The following PPP6R3 variants were observed in gnomAD, a reference collection of about 807,000 sequenced individuals.
PPP6R3 encodes the protein protein phosphatase 6 regulatory subunit 3.
In PPP6R3, 38 loss-of-function variants were observed where a neutral mutation model predicts 110.7. The ratio of observed to expected loss-of-function variants is 0.34; its 90% CI spans 0.26 to 0.45. The LOEUF (loss-of-function observed/expected upper bound fraction) is 0.45. PPP6R3 is among the 20% of genes least tolerant of loss of function. The pLI, the probability that PPP6R3 is intolerant of heterozygous loss-of-function variation, is 1.00. For synonymous variants in PPP6R3, 369 were observed against 373.5 expected, an observed-to-expected ratio of 0.99 and a Z score of 0.14; for missense variants, 870 against 1,062.4, an observed-to-expected ratio of 0.82 and a Z score of 2.52.
chr11:68,587,946 T>G lies in PPP6R3; in HGVS notation c.1652T>G (p.Met551Arg). Reference protein sequence around the residue: ...SLQQAFSDYQMQQMTSNFIDQ... With the variant: ...SLQQAFSDYQRQQMTSNFIDQ... ...TGCCAGGCCTTTTCTGATTATCAGA[T>G]GCAACAAATGACGTCCAATTTTATT... Residue 551 changes from methionine (M) to arginine (R), a missense_variant, in exon 16 of 24, where the codon ATG (methionine) becomes AGG (arginine). Physicochemically the swap from Met to Arg is moderately conservative, Grantham distance 91. Transcript: ENST00000393800. 6.2e-7 allele frequency: 1 copy of G among 1,614,224 alleles called. No homozygotes were observed. The highest frequency in any genetic ancestry group is 8.5e-7 in the Non-Finnish European group (1 of 1,180,020).
chr11:68,475,571 G>T (rs1310809352), intron 1 of PPP6R3, among the ~76,000 whole-genome samples: 1 of 149,944 alleles, frequency 6.7e-6, no homozygotes, highest in African/African-American at 2.5e-5. Flanking sequence ...CGGACGGGGC[G>T]GCTGGCCGGG....
At chr11:68,497,023 G>A (rs1478936251) in intron 1 of PPP6R3, among the ~76,000 whole-genome samples, 9 of 150,188 alleles carry the variant, frequency 6.0e-5, no homozygotes, top group African/African-American at 2.0e-4. Context: ...CTCCACGCCC[G>A]GCTAATTTTT....
intron 1 of PPP6R3, among the ~76,000 whole-genome samples, chr11:68,466,685 T>C (rs995434189): frequency 7.9e-5 from 12 of 152,080 alleles, no homozygotes; most frequent in Non-Finnish European, 1.6e-4. Context: ...CTATCTCGGC[T>C]CACTGCAAGC....
chr11:68,543,849 T>C (rs2099331839), intron 3 of PPP6R3, among the ~76,000 whole-genome samples: 1 of 152,072 alleles, frequency 6.6e-6, no homozygotes, highest in Non-Finnish European at 1.5e-5. Flanking sequence ...ATTGTCATAG[T>C]AGGAGTAAGT....
chr11:68,479,135 G>A (rs935562491), intron 1 of PPP6R3, among the ~76,000 whole-genome samples: 1 of 152,098 alleles, frequency 6.6e-6, no homozygotes, highest in Non-Finnish European at 1.5e-5. Flanking sequence ...ATATTCTTAC[G>A]ATTATTCACA....
chr11:68,474,170 G>A (rs935164991), intron 1 of PPP6R3, among the ~76,000 whole-genome samples: 2 of 151,298 alleles, frequency 1.3e-5, no homozygotes, highest in Admixed American at 6.6e-5. Flanking sequence ...TCAGCCTCCC[G>A]AGTAGCTGGG....
At chr11:68,523,706 TGCCC>T (rs754515185) in intron 2 of PPP6R3, among the ~76,000 whole-genome samples, 3 of 14,838 alleles carry the variant, frequency 2.0e-4, no homozygotes, top group African/African-American at 2.4e-4. Flanking sequence ...CATGCCCCCC[TGCCC>T]CCCCCCCCCC....
intron 13 of PPP6R3, 32 bp from the exon 14 acceptor site, chr11:68,575,926 G>A (rs1474834685): frequency 1.3e-6 from 2 of 1,511,912 alleles, no homozygotes; most frequent in Non-Finnish European, 9.2e-7. Context: ...TCATTGTGGT[G>A]ATAATGCTTT....
intron 20 of PPP6R3, among the ~76,000 whole-genome samples, chr11:68,600,825 TGAG>T (rs1364971670): frequency 2.0e-5 from 3 of 152,106 alleles, no homozygotes; most frequent in African/African-American, 4.8e-5. Flanking sequence ...AGGACAGAAT[TGAG>T]GAGAAGAGGA....
At chr11:68,559,325 G>A (rs2099410418) in intron 8 of PPP6R3, among the ~76,000 whole-genome samples, 1 of 152,232 alleles carries the variant, frequency 6.6e-6, no homozygotes, top group South Asian at 2.1e-4. Flanking sequence ...TATAATTTAT[G>A]TCCAGTGCAG....
At chr11:68,611,728 G>A (rs1192823487) in intron 23 of PPP6R3, among the ~76,000 whole-genome samples, 3 of 152,090 alleles carry the variant, frequency 2.0e-5, no homozygotes, top group African/African-American at 4.8e-5. Context: ...CTGGGGTGCG[G>A]GGGAGAGGAT....
At chr11:68,496,628 G>A (rs1030214609) in intron 1 of PPP6R3, among the ~76,000 whole-genome samples, 2 of 151,260 alleles carry the variant, frequency 1.3e-5, no homozygotes, top group Non-Finnish European at 2.9e-5. Flanking sequence ...GTGTGCCACC[G>A]CATCTGGCTA....
intron 10 of PPP6R3, among the ~76,000 whole-genome samples, chr11:68,569,006 C>T (rs971959521): frequency 3.9e-5 from 6 of 152,108 alleles, no homozygotes; most frequent in Admixed American, 3.3e-4. Flanking sequence ...GTGATCCGCC[C>T]GCCTCGGCCT....
chr11:68,558,415 A>G (rs189013315), intron 7 of PPP6R3, 151 bp from the exon 8 acceptor site: 4 of 493,902 alleles, frequency 8.1e-6, no homozygotes, highest in African/African-American at 6.0e-5. Flanking sequence ...TCAATTGCCT[A>G]CTTTAATAAG....
chr11:68,471,135 A>T (rs1040175317), intron 1 of PPP6R3, among the ~76,000 whole-genome samples: 1 of 151,862 alleles, frequency 6.6e-6, no homozygotes, highest in Non-Finnish European at 1.5e-5. Context: ...ATACAAAAAA[A>T]TTAGCCGGCT....
chr11:68,590,431 G>A (rs1047601477), intron 16 of PPP6R3, among the ~76,000 whole-genome samples: 1 of 152,120 alleles, frequency 6.6e-6, no homozygotes, highest in Admixed American at 6.5e-5. Context: ...TGTCCCAAAG[G>A]CTTTATGTCT....
chr11:68,542,397 T>TTTGTTTTTTTTTTG lies in PPP6R3; in HGVS notation c.228-2439_228-2438insGTTTTTTTTTTGTT, dbSNP rs1457109092. On this transcript the variant is annotated intron_variant, in intron 3 of 23. Coordinates refer to ENST00000393800, the MANE Select transcript of PPP6R3 (RefSeq NM_001164161.2). ...GTGCTTGAGAAGCTGCTGTTTTTTT[T>TTTGTTTTTTTTTTG]TTTTTTTTTTTTTTAAGACAGAGTC... 3.7e-4 allele frequency among the ~76,000 whole-genome samples: 41 copies of TTTGTTTTTTTTTTG among 111,100 alleles called. 1 individual carries two copies. In the East Asian group the frequency reaches 7.6e-3, roughly 21 times the overall value. The allele number at this position is 111,100 out of a possible 152,430, so 72.9% of individuals were successfully genotyped here. A position where few individuals can be genotyped will look rare whatever the true frequency, so the allele number is the denominator to read the frequency against.
rs561980032 is a variant in PPP6R3 at position 68,534,382 on chromosome 11, TA to T, written c.-6-3271del. 2.5e-3 allele frequency among the ~76,000 whole-genome samples: 387 copies of T among 152,316 alleles called. 10 individuals are homozygous for T. Among genetic ancestry groups the T allele is most frequent in the Admixed American group, 0.022 (332 of 15,292 alleles). ...TCCTTTTTTTTCTTAAAACAACCCT[TA>T]AAAAATGTCAAAATCATTCATAACT... is the stretch of plus-strand genomic sequence containing the variant. On this transcript the variant is annotated intron_variant, in intron 2 of 23. Coordinates refer to ENST00000393800, the MANE Select transcript of PPP6R3 (RefSeq NM_001164161.2).
At chr11:68,551,643 C>T (rs949350618) in intron 6 of PPP6R3, among the ~76,000 whole-genome samples, 22 of 152,170 alleles carry the variant, frequency 1.4e-4, no homozygotes, top group African/African-American at 5.3e-4. Context: ...TGCCCGCCAC[C>T]ACCCTGGCTA....
Sources: allele counts gnomAD v4.1 joint callset (sites outside exome capture counted in the v4.1 genomes callset), GRCh38; gene constraint gnomAD v4.1.1; transcripts MANE v1.5; gene names NCBI Gene and HGNC (gene_info 2026-07-23, HGNC 2026-07-21).